The following PCDHGA3 variants were observed in gnomAD, a reference collection of about 807,000 sequenced individuals.
PCDHGA3 encodes the protein protocadherin gamma subfamily A, 3.
Under a neutral mutation model 58.5 loss-of-function variants are expected in PCDHGA3, and 40 were observed. That is an observed-to-expected ratio of 0.68 (90% confidence interval 0.53 to 0.89). The LOEUF is 0.89. Among genes scored for constraint, PCDHGA3 ranks in the 40% least tolerant of loss-of-function variants. The probability of loss-of-function intolerance (pLI) is 0.00; values close to 1 mark genes in which losing one functional copy is unlikely to be tolerated. For missense variants in PCDHGA3, 1,223 were observed against 1,195.9 expected, an observed-to-expected ratio of 1.02 and a Z score of -0.33; for synonymous variants, 530 against 525.7, an observed-to-expected ratio of 1.01 and a Z score of -0.11.
chr5:141,503,910 G>A (rs1311674998), intron 2 of PCDHGA3, among the ~76,000 whole-genome samples: 1 of 152,062 alleles, frequency 6.6e-6, no homozygotes, highest in Admixed American at 6.6e-5. Flanking sequence ...CACACACAAC[G>A]CAACACACAC....
intron 1 of PCDHGA3, chr5:141,419,492 A>G: frequency 6.2e-7 from 1 of 1,612,358 alleles, no homozygotes; most frequent in South Asian, 1.1e-5. Flanking sequence ...GCTCAGCGCC[A>G]ATGTGAGCCT....
Position 141,344,790 on chromosome 5 carries a change from GA to G in PCDHGA3, c.758del (p.Glu253GlyfsTer12), listed in dbSNP as rs1757472418. The part of the protein sequence containing the change: ...TQPEYRVSVW[E>X]NVPVGTRLLT... ...GCCTGAGTACCGTGTGAGTGTTTGG[GA>G]GAACGTGCCTGTGGGTACCCGGCTG... On this transcript the variant is annotated frameshift_variant, in exon 1 of 4. Coordinates refer to ENST00000253812, the MANE Select transcript of PCDHGA3 (RefSeq NM_018916.4). LOFTEE classifies it high-confidence loss of function. 6.2e-7 allele frequency: 1 copy of G among 1,613,854 alleles called. No homozygotes were observed. Among genetic ancestry groups the G allele is most frequent in the African/African-American group, 1.3e-5 (1 of 74,904 alleles).
intron 1 of PCDHGA3, among the ~76,000 whole-genome samples, chr5:141,459,678 G>A (rs1240789253): frequency 2.0e-5 from 3 of 152,184 alleles, no homozygotes; most frequent in African/African-American, 7.2e-5. Flanking sequence ...CATGAGCAAT[G>A]CATAAAGCGT....
At position 141,430,860 on chromosome 5, in the gene PCDHGA3, C is replaced by G. The variant is rs773955533; in HGVS notation, c.2425-63947C>G. ...ACCGGATGCACCCAGATACGCTATTCAGTTCCGGAAGAGCTGGAGAAAGGC... is the reference window on the plus strand; with the variant it reads ...ACCGGATGCACCCAGATACGCTATTGAGTTCCGGAAGAGCTGGAGAAAGGC... On this transcript the variant is annotated intron_variant, in intron 1 of 3. Transcript: ENST00000253812. 4 of 1,592,382 alleles carry G rather than the reference C, an allele frequency of 2.5e-6. No individual in the cohort carries two copies. In the South Asian group the frequency reaches 4.6e-5, roughly 18 times the overall value.
At chr5:141,452,251 ACT>A (rs899414988) in intron 1 of PCDHGA3, among the ~76,000 whole-genome samples, 29 of 152,204 alleles carry the variant, frequency 1.9e-4, no homozygotes, top group African/African-American at 6.7e-4. Flanking sequence ...TTTTGCCATA[ACT>A]CTCTCATTTT....
chr5:141,362,148 A>G, intron 1 of PCDHGA3: 2 of 1,613,980 alleles, frequency 1.2e-6, no homozygotes, highest in Non-Finnish European at 1.7e-6. Flanking sequence ...TGCAAGAGGT[A>G]TTGCCAGACC....
At chr5:141,355,743 C>T (rs750434737) in intron 1 of PCDHGA3, 2 of 1,613,960 alleles carry the variant, frequency 1.2e-6, no homozygotes, top group Non-Finnish European at 1.7e-6. Flanking sequence ...TTTCCCTGGA[C>T]GTGCAAAGTG....
chr5:141,345,378 C>G lies in PCDHGA3; in HGVS notation c.1345C>G (p.Pro449Ala). 4 of 1,614,072 alleles carry G rather than the reference C, an allele frequency of 2.5e-6. No homozygotes were observed. The highest frequency in any genetic ancestry group is 3.4e-6 in the Non-Finnish European group (4 of 1,180,008). ...TLHVIDINDN[P>A]PTFPHLSYSA... ...GCATGTGATTGACATCAATGACAAC[C>G]CACCCACCTTCCCTCATTTATCCTA... The change falls in exon 1 of 4, where the codon CCA becomes GCA. Residue 449 changes from proline to alanine, a missense_variant. By Grantham distance (27) the Pro-to-Ala change is conservative. Transcript: ENST00000253812.
At chr5:141,510,917 C>G in intron 3 of PCDHGA3, 30 bp from the exon 4 acceptor site, 1 of 1,613,854 alleles carries the variant, frequency 6.2e-7, no homozygotes, top group Non-Finnish European at 8.5e-7. Flanking sequence ...CTAAGTTTAG[C>G]TCCCACCTGA....
intron 1 of PCDHGA3, chr5:141,376,394 C>T (rs1772639427): frequency 3.1e-6 from 5 of 1,614,110 alleles, no homozygotes; most frequent in South Asian, 1.1e-5. Context: ...TCTGATTTTC[C>T]CCCAGCCCAA....
At chr5:141,458,172 T>C (rs1023447659) in intron 1 of PCDHGA3, among the ~76,000 whole-genome samples, 2 of 152,216 alleles carry the variant, frequency 1.3e-5, no homozygotes, top group African/African-American at 4.8e-5. Flanking sequence ...CACAGTAGTA[T>C]ACCTTACTTG....
intron 1 of PCDHGA3, chr5:141,357,289 G>T: frequency 6.2e-7 from 1 of 1,613,960 alleles, no homozygotes; most frequent in Middle Eastern, 1.6e-4. Flanking sequence ...CGTGGTGGCA[G>T]TGGCCGCTGT....
chr5:141,409,486 C>T, intron 1 of PCDHGA3: 1 of 1,613,992 alleles, frequency 6.2e-7, no homozygotes, highest in Non-Finnish European at 8.5e-7. Context: ...CTGACAGGGG[C>T]AAGCCGCCTC....
rs1757582349 is a variant in PCDHGA3 at position 141,345,494 on chromosome 5, C to T, written c.1461C>T (p.Ile487=). 6.2e-7 allele frequency: 1 copy of T among 1,614,174 alleles called. No individual in the cohort carries two copies. Among genetic ancestry groups the T allele is most frequent in the Non-Finnish European group, 8.5e-7 (1 of 1,180,010 alleles). Reference sequence around the variant, plus strand: ...CAGATAGCAACAACAACGCCCGCATCACTTATGCATTGACCGAGGACACTC... The same window carrying T: ...CAGATAGCAACAACAACGCCCGCATTACTTATGCATTGACCGAGGACACTC... ...QDPDSNNNAR[I]TYALTEDTLQ... The change falls in exon 1 of 4, where the codon ATC becomes ATT. Residue 487 remains isoleucine (I), a synonymous_variant. Transcript: ENST00000253812.
Position 141,414,286 on chromosome 5 carries a change from G to T in PCDHGA3, c.2424+67829G>T, listed in dbSNP as rs2095728607. On this transcript the variant is annotated intron_variant, in intron 1 of 3. Transcript: ENST00000253812. Reference sequence around the variant, plus strand: ...AGATTCACCTCTGGGAACAGTCGTAGCCCTTTTAAATGTGCATGATTTAGA... The same window carrying T: ...AGATTCACCTCTGGGAACAGTCGTATCCCTTTTAAATGTGCATGATTTAGA... 1.2e-6 allele frequency: 2 copies of T among 1,613,466 alleles called. No homozygotes were observed. The highest frequency in any genetic ancestry group is 1.7e-6 in the Non-Finnish European group (2 of 1,179,778).
At chr5:141,469,142 G>A (rs1473440049) in intron 1 of PCDHGA3, among the ~76,000 whole-genome samples, 3 of 152,024 alleles carry the variant, frequency 2.0e-5, no homozygotes, top group East Asian at 1.9e-4. Flanking sequence ...CAGAAATGGT[G>A]GCACATGTCT....
intron 1 of PCDHGA3, among the ~76,000 whole-genome samples, chr5:141,434,195 T>C (rs1561872734): frequency 6.6e-6 from 1 of 151,916 alleles, no homozygotes; most frequent in Non-Finnish European, 1.5e-5. Flanking sequence ...AATTCCAATG[T>C]ACTTACTTCT....
chr5:141,423,525 G>A (rs1014975146), intron 1 of PCDHGA3: 8 of 1,613,710 alleles, frequency 5.0e-6, no homozygotes, highest in African/African-American at 2.7e-5. Context: ...ACTCGCAGAA[G>A]AGTCACCTGA....
At chr5:141,384,679 G>A (rs773664166) in intron 1 of PCDHGA3, 33 of 1,614,216 alleles carry the variant, frequency 2.0e-5, no homozygotes, top group Non-Finnish European at 2.7e-5. Flanking sequence ...GGTGGTGGCG[G>A]TGGACAAAGA....
Sources: gnomAD v4.1 joint callset for allele counts (sites outside exome capture counted in the v4.1 genomes callset) on GRCh38, gnomAD v4.1.1 for gene constraint, MANE v1.5 for transcripts, NCBI Gene and HGNC (gene_info 2026-07-23, HGNC 2026-07-21) for gene names.